KAT6A: variants seen among roughly 807,000 people sequenced by gnomAD.
KAT6A encodes the protein lysine acetyltransferase 6A.
KAT6A carries 9 observed loss-of-function variants against 198.4 expected under a neutral mutation model. The observed-to-expected ratio is 0.05, with a 90% CI of 0.03 to 0.08. KAT6A has a LOEUF of 0.08. Ranked by LOEUF, KAT6A falls within the 10% of genes least tolerant of loss-of-function variation. The pLI, the probability that KAT6A is intolerant of heterozygous loss-of-function variation, is 1.00. For synonymous variants in KAT6A, 890 were observed against 883.0 expected, an observed-to-expected ratio of 1.01 and a Z score of -0.14; for missense variants, 2,077 against 2,509.9, an observed-to-expected ratio of 0.83 and a Z score of 3.69.
At chr8:42,025,350 T>A (rs1317201035) in intron 2 of KAT6A, among the ~76,000 whole-genome samples, 3 of 140,664 alleles carry the variant, frequency 2.1e-5, no homozygotes, top group Non-Finnish European at 4.6e-5. Flanking sequence ...TAGCTGGGAT[T>A]ACAGGTGCCC....
At position 41,951,657 on chromosome 8, in the gene KAT6A, C is replaced by A. The variant is rs77715516; in HGVS notation, c.1599-2294G>T. Among the ~76,000 whole-genome samples, 250 of 152,208 alleles carry A rather than the reference C, an allele frequency of 1.6e-3. 1 individual carries two copies. Among genetic ancestry groups the A allele is most frequent in the Non-Finnish European group, 3.1e-3 (211 of 68,002 alleles). ...TAAAGTCTGCCACAATGCTGATAACCCAGCCCATGGAATCAGGGCTGTGCT... is the reference window on the plus strand; with the variant it reads ...TAAAGTCTGCCACAATGCTGATAACACAGCCCATGGAATCAGGGCTGTGCT... On this transcript the variant is annotated intron_variant, in intron 9 of 16. Transcript: ENST00000265713.
intron 2 of KAT6A, among the ~76,000 whole-genome samples, chr8:42,020,627 A>T (rs1826485118): frequency 6.6e-6 from 1 of 152,202 alleles, no homozygotes; most frequent in Non-Finnish European, 1.5e-5. Flanking sequence ...GAAAATAAGC[A>T]TATGATTTAA....
chr8:41,961,908 C>T (rs181348488), intron 8 of KAT6A, among the ~76,000 whole-genome samples: 10 of 152,200 alleles, frequency 6.6e-5, no homozygotes, highest in African/African-American at 2.2e-4. Context: ...TGAAACCACT[C>T]CAATTATCTC....
chr8:41,988,541 G>A (rs1002715426), intron 2 of KAT6A, among the ~76,000 whole-genome samples: 7 of 152,076 alleles, frequency 4.6e-5, no homozygotes, highest in Non-Finnish European at 7.3e-5. Flanking sequence ...AAAGACAAAC[G>A]GGGAAAACTC....
intron 12 of KAT6A, among the ~76,000 whole-genome samples, chr8:41,944,237 GA>G (rs754139137): frequency 6.6e-6 from 1 of 151,990 alleles, no homozygotes; most frequent in Non-Finnish European, 1.5e-5. Flanking sequence ...TAAAATATTC[GA>G]AGTGTTAAAA....
intron 2 of KAT6A, among the ~76,000 whole-genome samples, chr8:42,011,477 C>A (rs1826013704): frequency 6.6e-6 from 1 of 152,148 alleles, no homozygotes; most frequent in Non-Finnish European, 1.5e-5. Context: ...GTGACTCACA[C>A]CTGTAATCCC....
intron 2 of KAT6A, among the ~76,000 whole-genome samples, chr8:42,040,751 AAAAAAAAAAG>A (rs1263368187): frequency 3.3e-5 from 5 of 150,592 alleles, no homozygotes; most frequent in Admixed American, 2.6e-4. Flanking sequence ...AAAAAAAAAA[AAAAAAAAAAG>A]AAAGAAAGAA....
At chr8:41,954,617 T>C (rs1822838060) in intron 9 of KAT6A, among the ~76,000 whole-genome samples, 2 of 152,326 alleles carry the variant, frequency 1.3e-5, no homozygotes, top group East Asian at 1.9e-4. Context: ...ATTTTCTAAG[T>C]GATTTACATG....
At chr8:41,997,980 G>C (rs543387058) in intron 2 of KAT6A, among the ~76,000 whole-genome samples, 1 of 152,264 alleles carries the variant, frequency 6.6e-6, no homozygotes, top group African/African-American at 2.4e-5. Flanking sequence ...GCATGGTATA[G>C]TGAAGGAAAC....
chr8:42,015,794 T>C (rs189499257), intron 2 of KAT6A, among the ~76,000 whole-genome samples: 3 of 152,338 alleles, frequency 2.0e-5, no homozygotes, highest in Admixed American at 1.3e-4. Flanking sequence ...TGAACATCAA[T>C]TTATCTATTC....
At chr8:41,976,235 T>C (rs971524154) in intron 7 of KAT6A, among the ~76,000 whole-genome samples, 2 of 152,228 alleles carry the variant, frequency 1.3e-5, no homozygotes, top group African/African-American at 2.4e-5. Flanking sequence ...CCTCTGGCCC[T>C]TGTGGTCCAA....
chr8:41,968,603 G>A (rs571899210), intron 8 of KAT6A, among the ~76,000 whole-genome samples: 11 of 152,282 alleles, frequency 7.2e-5, no homozygotes, highest in African/African-American at 2.6e-4. Context: ...AATACCATTT[G>A]ACCCAGCCAT....
At chr8:42,018,898 C>T (rs765521704) in intron 2 of KAT6A, among the ~76,000 whole-genome samples, 3 of 151,964 alleles carry the variant, frequency 2.0e-5, no homozygotes, top group Non-Finnish European at 4.4e-5. Flanking sequence ...TCCAGCCTGG[C>T]GACAGAGCGA....
chr8:41,938,006 G>C (rs954755607), intron 15 of KAT6A, among the ~76,000 whole-genome samples: 1 of 152,164 alleles, frequency 6.6e-6, no homozygotes, highest in Admixed American at 6.5e-5. Context: ...CCATTTTCAT[G>C]AACTACTCAT....
At chr8:42,032,870 G>GTTT (rs1827194790) in intron 2 of KAT6A, among the ~76,000 whole-genome samples, 1 of 132,614 alleles carries the variant, frequency 7.5e-6, no homozygotes. Context: ...TAAAACCTTG[G>GTTT]CTTTTTTTTT....
intron 8 of KAT6A, among the ~76,000 whole-genome samples, chr8:41,965,720 C>T (rs1358869860): frequency 2.0e-5 from 3 of 152,126 alleles, no homozygotes; most frequent in Admixed American, 6.5e-5. Context: ...ATCTGTTGGG[C>T]AATGGTAATA....
At chr8:41,979,366 C>T (rs951586484) in intron 5 of KAT6A, among the ~76,000 whole-genome samples, 6 of 152,072 alleles carry the variant, frequency 3.9e-5, no homozygotes, top group African/African-American at 1.4e-4. Context: ...TGACTGGGCA[C>T]AGTGGCTCAT....
At chr8:41,980,765 C>T in intron 5 of KAT6A, 81 bp downstream of exon 5, 1 of 964,474 alleles carries the variant, frequency 1.0e-6, no homozygotes, top group South Asian at 1.3e-5. Flanking sequence ...ATTATTATTT[C>T]ATTTAACAAA....
intron 8 of KAT6A, among the ~76,000 whole-genome samples, chr8:41,959,048 G>A (rs910855671): frequency 1.3e-5 from 2 of 151,344 alleles, no homozygotes; most frequent in Admixed American, 1.3e-4. Flanking sequence ...TGTAGTCCCA[G>A]CTACTCAGAG....
Sources: allele counts gnomAD v4.1 joint callset (sites outside exome capture counted in the v4.1 genomes callset), GRCh38; gene constraint gnomAD v4.1.1; transcripts MANE v1.5; gene names NCBI Gene and HGNC (gene_info 2026-07-23, HGNC 2026-07-21).